Variants in CREBRF observed in about 807,000 individuals in gnomAD.
The protein encoded by CREBRF is CREB3 regulatory factor.
Under a neutral mutation model 66.1 loss-of-function variants are expected in CREBRF, and 5 were observed. The observed-to-expected ratio is 0.08, with a 90% CI of 0.04 to 0.16. CREBRF has a LOEUF of 0.16. Ranked by LOEUF, CREBRF falls within the 10% of genes least tolerant of loss-of-function variation. The pLI is 1.00. For synonymous variants in CREBRF, 229 were observed against 264.4 expected, an observed-to-expected ratio of 0.87 and a Z score of 1.30; for missense variants, 531 against 744.9, an observed-to-expected ratio of 0.71 and a Z score of 3.34.
At chr5:173,086,404 A>G (rs1009852422) in intron 2 of CREBRF, 97 bp from the exon 3 acceptor site, 11 of 1,093,536 alleles carry the variant, frequency 1.0e-5, no homozygotes, top group African/African-American at 7.9e-5. Flanking sequence ...TCTGAAAAGA[A>G]TAAGTTACTT....
intron 4 of CREBRF, among the ~76,000 whole-genome samples, chr5:173,106,770 A>T (rs1398270374): frequency 7.1e-6 from 1 of 140,396 alleles, no homozygotes; most frequent in African/African-American, 2.8e-5. Flanking sequence ...TTTTATTGAG[A>T]TGGAGTCTTG....
intron 4 of CREBRF, among the ~76,000 whole-genome samples, chr5:173,103,649 A>G (rs1161825268): frequency 6.6e-6 from 1 of 152,186 alleles, no homozygotes; most frequent in African/African-American, 2.4e-5. Flanking sequence ...AAGGTGCAAA[A>G]TGGAGTTTTA....
chr5:173,069,656 C>G (rs1228006247), intron 1 of CREBRF, among the ~76,000 whole-genome samples: 2 of 152,064 alleles, frequency 1.3e-5, no homozygotes, highest in African/African-American at 4.8e-5. Context: ...AATGCATAAC[C>G]TTTTACCTAG....
At position 173,085,615 on chromosome 5, in the gene CREBRF, C is replaced by G. The variant is rs186045945; in HGVS notation, c.10-886C>G. On this transcript the variant is annotated intron_variant, in intron 2 of 8. Coordinates refer to ENST00000296953, the MANE Select transcript of CREBRF (RefSeq NM_153607.3). ...TGTTTTTAGTAGAGACAGGGCTTCA[C>G]CATCTTGGCCAGGCTGGTCTTGAAC... The G allele has an allele frequency of 8.6e-6, 5 of 584,514 alleles. No homozygotes were observed. In the East Asian group the frequency reaches 1.5e-4, roughly 17 times the overall value. 36.2% of individuals were successfully genotyped at this position (584,514 alleles called of 1,614,324 possible).
intron 1 of CREBRF, among the ~76,000 whole-genome samples, chr5:173,072,629 A>G (rs1303150392): frequency 6.7e-6 from 1 of 150,044 alleles, no homozygotes; most frequent in African/African-American, 2.5e-5. Flanking sequence ...GGGTCTCACA[A>G]TGTTTCCAAG....
At chr5:173,068,397 T>C (rs1232703120) in intron 1 of CREBRF, among the ~76,000 whole-genome samples, 2 of 152,212 alleles carry the variant, frequency 1.3e-5, no homozygotes, top group African/African-American at 4.8e-5. Flanking sequence ...ATGCAAGGTG[T>C]TACAGATATA....
intron 7 of CREBRF, among the ~76,000 whole-genome samples, chr5:173,118,932 C>T (rs1027939507): frequency 4.6e-5 from 7 of 151,938 alleles, no homozygotes; most frequent in East Asian, 3.9e-4. Flanking sequence ...GATGGGGTCT[C>T]GCTGTCTTGC....
chr5:173,100,580 C>T lies in CREBRF; in HGVS notation c.1223-8044C>T, dbSNP rs543040275. Among the ~76,000 whole-genome samples, 361 of 152,054 alleles carry T rather than the reference C, an allele frequency of 2.4e-3. 3 individuals are homozygous for T. The highest frequency in any genetic ancestry group is 0.015 in the South Asian group (72 of 4,818). ...CTGAGATTACAGGTGACCACCACCA[C>T]GCCCTGCTAATTTTTGTATTTTTAG... On this transcript the variant is annotated intron_variant, in intron 4 of 8. Transcript: ENST00000296953.
chr5:173,122,599 A>G (rs1226782999), intron 7 of CREBRF, among the ~76,000 whole-genome samples: 9 of 141,284 alleles, frequency 6.4e-5, no homozygotes, highest in South Asian at 2.2e-4. Context: ...TATTATTATT[A>G]TTATTATTAT....
chr5:173,057,694 A>C (rs1363699092), intron 1 of CREBRF: 1 of 152,166 alleles, frequency 6.6e-6, no homozygotes, highest in African/African-American at 2.4e-5. Context: ...GTACTTGGAT[A>C]AATAGCGGTC....
At chr5:173,087,334 C>T (rs1414753154) in intron 3 of CREBRF, among the ~76,000 whole-genome samples, 5 of 152,034 alleles carry the variant, frequency 3.3e-5, no homozygotes, top group African/African-American at 9.7e-5. Flanking sequence ...CTGCCCGCCT[C>T]GGCTTCCCAA....
chr5:173,073,633 C>T (rs1489143141), intron 1 of CREBRF, among the ~76,000 whole-genome samples: 1 of 152,230 alleles, frequency 6.6e-6, no homozygotes. Context: ...AAAAAGTAGT[C>T]CTTCCCATTC....
intron 1 of CREBRF, among the ~76,000 whole-genome samples, chr5:173,077,373 G>A (rs1232732610): frequency 1.3e-5 from 2 of 152,076 alleles, no homozygotes; most frequent in African/African-American, 4.8e-5. Context: ...GAAGTGTTGT[G>A]TAACCATCAC....
intron 1 of CREBRF, chr5:173,060,109 C>T (rs1343720774): frequency 6.6e-6 from 1 of 151,910 alleles, no homozygotes; most frequent in Non-Finnish European, 1.5e-5. Context: ...TGTGTTGATT[C>T]TGTTAATATA....
In CREBRF at chr5:173,112,713, G is replaced by C. The variant is rs1027443741; in HGVS notation, c.1681+334G>C. Among the ~76,000 whole-genome samples the C allele has an allele frequency of 3.7e-4, 56 of 152,134 alleles. 1 individual carries two copies. The highest frequency in any genetic ancestry group is 1.0e-4 in the Non-Finnish European group (7 of 68,032). ...TAAGAATAGGCAGCAAAAACAACCT[G>C]CACTTCTCGAAAGATCACAATAATT... is the stretch of plus-strand genomic sequence containing the variant. On this transcript the variant is annotated intron_variant, in intron 7 of 8. Transcript: ENST00000296953.
intron 3 of CREBRF, among the ~76,000 whole-genome samples, chr5:173,087,967 G>T (rs922987497): frequency 1.3e-5 from 2 of 151,738 alleles, no homozygotes; most frequent in African/African-American, 4.8e-5. Context: ...GGGATTACAG[G>T]CATGCACCAC....
intron 1 of CREBRF, among the ~76,000 whole-genome samples, chr5:173,079,995 C>T (rs765674755): frequency 1.5e-4 from 23 of 152,342 alleles, no homozygotes; most frequent in African/African-American, 4.3e-4. Flanking sequence ...AAACATACAC[C>T]TGTTAAAAAC....
At chr5:173,102,465 G>A (rs949036092) in intron 4 of CREBRF, among the ~76,000 whole-genome samples, 1 of 152,114 alleles carries the variant, frequency 6.6e-6, no homozygotes, top group African/African-American at 2.4e-5. Context: ...GGGTAGGCTG[G>A]CCTATTGCTG....
intron 1 of CREBRF, among the ~76,000 whole-genome samples, chr5:173,065,659 C>T (rs1287384388): frequency 2.6e-5 from 1 of 39,146 alleles, no homozygotes; most frequent in Non-Finnish European, 4.9e-5. Context: ...TTTCCTTTTT[C>T]TTCTTCTTCT....
Sources: gnomAD v4.1 joint callset for allele counts (sites outside exome capture counted in the v4.1 genomes callset) on GRCh38, gnomAD v4.1.1 for gene constraint, MANE v1.5 for transcripts, NCBI Gene and HGNC (gene_info 2026-07-23, HGNC 2026-07-21) for gene names.